Variants in SPON1 observed in about 807,000 individuals in gnomAD.
The protein encoded by SPON1 is spondin-1.
SPON1 carries 52 observed loss-of-function variants against 111.7 expected under a neutral mutation model. That is an observed-to-expected ratio of 0.47 (90% CI 0.37 to 0.59). The LOEUF (loss-of-function observed/expected upper bound fraction) is 0.59. SPON1 is among the 20% of genes least tolerant of loss of function. The probability of loss-of-function intolerance (pLI) is 0.00; values close to 1 mark genes in which losing one functional copy is unlikely to be tolerated. For synonymous variants in SPON1, 410 were observed against 395.8 expected (o/e 1.04, Z -0.43); for missense variants, 957 against 1,068.5 (o/e 0.90, Z 1.46).
intron 7 of SPON1, among the ~76,000 whole-genome samples, chr11:14,250,177 G>A (rs1462088092): frequency 1.3e-5 from 2 of 152,122 alleles, no homozygotes; most frequent in African/African-American, 4.8e-5. Flanking sequence ...TTGCCAGCAT[G>A]TCATTTTTCT....
intron 2 of SPON1, among the ~76,000 whole-genome samples, chr11:14,024,776 C>G (rs1214673692): frequency 1.3e-5 from 2 of 152,250 alleles, no homozygotes; most frequent in Non-Finnish European, 1.5e-5. Flanking sequence ...AGGGACCCCA[C>G]TCTTCTCTAC....
intron 1 of SPON1, among the ~76,000 whole-genome samples, chr11:13,982,303 T>C (rs1848150712): frequency 6.6e-6 from 1 of 152,162 alleles, no homozygotes; most frequent in Non-Finnish European, 1.5e-5. Context: ...GGGGCTACTG[T>C]ATATCATGTC....
intron 6 of SPON1, among the ~76,000 whole-genome samples, chr11:14,201,127 T>C (rs922441841): frequency 3.6e-4 from 55 of 151,944 alleles, no homozygotes; most frequent in African/African-American, 1.3e-3. Flanking sequence ...GATCACAAGG[T>C]CAGGAGGTCG....
At chr11:14,242,507 C>A (rs186568423) in intron 6 of SPON1, among the ~76,000 whole-genome samples, 26 of 152,304 alleles carry the variant, frequency 1.7e-4, no homozygotes, top group Admixed American at 3.9e-4. Flanking sequence ...GAAAGCCCCC[C>A]ACCAGAGCTG....
intron 2 of SPON1, among the ~76,000 whole-genome samples, chr11:13,993,072 T>G (rs1305568321): frequency 6.6e-6 from 1 of 151,386 alleles, no homozygotes; most frequent in African/African-American, 2.4e-5. Flanking sequence ...TAAAAGTGAC[T>G]TTGAGAGAGG....
intron 2 of SPON1, among the ~76,000 whole-genome samples, chr11:14,041,111 GTT>G (rs1466038573): frequency 1.3e-5 from 2 of 152,216 alleles, no homozygotes; most frequent in African/African-American, 4.8e-5. Flanking sequence ...CCAAAAGGGT[GTT>G]TTAACATTTT....
At position 14,140,716 on chromosome 11, in the gene SPON1, CT is replaced by C. The variant is rs535548991; in HGVS notation, c.825+5156del. Among the ~76,000 whole-genome samples the C allele has an allele frequency of 4.9e-4, 75 of 151,952 alleles. No homozygotes were observed. The South Asian group carries it at 0.01, about 21-fold the overall frequency. On this transcript the variant is annotated intron_variant, in intron 6 of 15. Transcript: ENST00000576479. Reference sequence around the variant, plus strand: ...GGCCTCAGTAGTTTTTTTTCTTTTTCTTTTTTTTCCTGTTGGAGGAAAAAAG... The same window carrying C: ...GGCCTCAGTAGTTTTTTTTCTTTTTCTTTTTTTCCTGTTGGAGGAAAAAAG...
chr11:14,151,436 G>A (rs1386883217), intron 6 of SPON1, among the ~76,000 whole-genome samples: 1 of 152,220 alleles, frequency 6.6e-6, no homozygotes, highest in African/African-American at 2.4e-5. Flanking sequence ...TAATTAGGAA[G>A]CCATTGAGGG....
Position 14,102,781 on chromosome 11 carries a change from C to T in SPON1, c.676+22760C>T, listed in dbSNP as rs7121248. Among the ~76,000 whole-genome samples, 335 of 152,316 alleles carry T rather than the reference C, an allele frequency of 2.2e-3. 2 individuals are homozygous for T. The highest frequency in any genetic ancestry group is 7.1e-3 in the African/African-American group (296 of 41,566). On this transcript the variant is annotated intron_variant, in intron 5 of 15. Coordinates refer to ENST00000576479, the MANE Select transcript of SPON1 (RefSeq NM_006108.4). The stretch of plus-strand genomic sequence containing the variant: ...TCATAATTAGATTCAGGTTGTGCAT[C>T]TTTGGCAGGGATACCACAGCCATTA...
intron 3 of SPON1, among the ~76,000 whole-genome samples, chr11:14,071,769 T>C (rs1470523010): frequency 6.6e-6 from 1 of 152,108 alleles, no homozygotes; most frequent in Non-Finnish European, 1.5e-5. Context: ...TGGAGTTCAG[T>C]GGTGCAATCT....
intron 6 of SPON1, among the ~76,000 whole-genome samples, chr11:14,181,918 A>G (rs1848238591): frequency 6.6e-6 from 1 of 152,234 alleles, no homozygotes; most frequent in Non-Finnish European, 1.5e-5. Context: ...AGATTTAGAT[A>G]TGCATTTTTA....
intron 6 of SPON1, among the ~76,000 whole-genome samples, chr11:14,164,857 T>C (rs907652127): frequency 6.6e-6 from 1 of 152,110 alleles, no homozygotes; most frequent in African/African-American, 2.4e-5. Flanking sequence ...AGCTGTCTTC[T>C]TGTGCTGAGT....
intron 2 of SPON1, among the ~76,000 whole-genome samples, chr11:13,987,795 T>A (rs1422561780): frequency 6.6e-6 from 1 of 152,190 alleles, no homozygotes; most frequent in African/African-American, 2.4e-5. Flanking sequence ...CCAACAACAT[T>A]TATTAAATAA....
chr11:14,128,089 T>A (rs1554927191), intron 5 of SPON1, among the ~76,000 whole-genome samples: 1 of 152,100 alleles, frequency 6.6e-6, no homozygotes, highest in African/African-American at 2.4e-5. Context: ...CCAAACCATA[T>A]CATTCTGTCT....
At chr11:14,021,073 C>A (rs1163590905) in intron 2 of SPON1, among the ~76,000 whole-genome samples, 1 of 152,036 alleles carries the variant, frequency 6.6e-6, no homozygotes, top group Non-Finnish European at 1.5e-5. Context: ...ATATAATGAT[C>A]CAACAGGTGG....
At chr11:14,086,664 A>G (rs1004491107) in intron 5 of SPON1, among the ~76,000 whole-genome samples, 8 of 152,174 alleles carry the variant, frequency 5.3e-5, no homozygotes, top group Non-Finnish European at 1.2e-4. Context: ...GCCTCAGAAA[A>G]TGAGTTGGGG....
intron 6 of SPON1, among the ~76,000 whole-genome samples, chr11:14,182,165 T>C (rs1848240957): frequency 6.6e-6 from 1 of 152,202 alleles, no homozygotes; most frequent in Non-Finnish European, 1.5e-5. Context: ...CTCCCTGATA[T>C]ACCCCTTGAT....
intron 6 of SPON1, among the ~76,000 whole-genome samples, chr11:14,166,976 A>G (rs1848037595): frequency 6.6e-6 from 1 of 152,120 alleles, no homozygotes; most frequent in South Asian, 2.1e-4. Flanking sequence ...TAGGGCAGCC[A>G]CAGTTAAAGA....
intron 6 of SPON1, among the ~76,000 whole-genome samples, chr11:14,217,574 G>A (rs1848638377): frequency 6.6e-6 from 1 of 151,924 alleles, no homozygotes; most frequent in South Asian, 2.1e-4. Context: ...GTTGAATCTT[G>A]TAGCTTCTGT....
Sources: gnomAD v4.1 joint callset for allele counts (sites outside exome capture counted in the v4.1 genomes callset) on GRCh38, gnomAD v4.1.1 for gene constraint, MANE v1.5 for transcripts, NCBI Gene and HGNC (gene_info 2026-07-23, HGNC 2026-07-21) for gene names.